PBRM1: variants seen among roughly 807,000 people sequenced by gnomAD.
PBRM1 encodes protein polybromo-1.
In PBRM1, 27 loss-of-function variants were observed where a neutral mutation model predicts 194.5. The observed-to-expected ratio is 0.14, with a 90% CI of 0.10 to 0.19. The LOEUF is 0.19. PBRM1 is among the 10% of genes least tolerant of loss of function. The probability of loss-of-function intolerance (pLI) is 1.00; values close to 1 mark genes in which losing one functional copy is unlikely to be tolerated. For synonymous variants in PBRM1, 655 were observed against 693.2 expected, an observed-to-expected ratio of 0.94 and a Z score of 0.87; for missense variants, 1,466 against 2,077.2, an observed-to-expected ratio of 0.71 and a Z score of 5.72.
chr3:52,633,098 T>C (rs977322046), intron 11 of PBRM1, among the ~76,000 whole-genome samples: 1 of 152,192 alleles, frequency 6.6e-6, no homozygotes, highest in Admixed American at 6.5e-5. Flanking sequence ...TCTTTCCATT[T>C]TGTAAGACTG....
chr3:52,660,499 ATATCTATC>A lies in PBRM1; in HGVS notation c.528+1626_528+1633del, dbSNP rs201570817. On this transcript the variant is annotated intron_variant, in intron 4 of 29. Coordinates refer to ENST00000296302, the Ensembl canonical transcript of PBRM1. ...ATATGTGTGTATATATATTTTGTGT[ATATCTATC>A]TATCTATCTATCTATATTTTTTTTA... Among the ~76,000 whole-genome samples, 6 of 151,996 alleles carry A rather than the reference ATATCTATC, an allele frequency of 3.9e-5. No homozygotes were observed. The East Asian group carries it at 5.8e-4, about 15-fold the overall frequency.
intron 3 of PBRM1, 132 bp downstream of exon 4, chr3:52,668,366 G>A (rs2153984938): frequency 6.5e-6 from 4 of 614,230 alleles, no homozygotes; most frequent in South Asian, 2.1e-5. Context: ...GTCTCTTTAC[G>A]AATAAGACAA....
At chr3:52,622,394 CAT>C (rs1324241130) in intron 13 of PBRM1, among the ~76,000 whole-genome samples, 3 of 152,044 alleles carry the variant, frequency 2.0e-5, no homozygotes, top group African/African-American at 7.2e-5. Context: ...CAATTCAGAT[CAT>C]AGATACTGTT....
At chr3:52,670,974 T>C (rs555425942) in intron 2 of PBRM1, among the ~76,000 whole-genome samples, 1 of 152,358 alleles carries the variant, frequency 6.6e-6, no homozygotes, top group South Asian at 2.1e-4. Context: ...ATCCAAGTCA[T>C]GTCCTTAACA....
chr3:52,567,339 T>A (rs558580397), intron 22 of PBRM1, among the ~76,000 whole-genome samples: 1 of 151,972 alleles, frequency 6.6e-6, no homozygotes, highest in Admixed American at 6.6e-5. Flanking sequence ...CATATCAATT[T>A]GCACGTAGGT....
intron 22 of PBRM1, among the ~76,000 whole-genome samples, chr3:52,570,882 C>A (rs2086870499): frequency 6.8e-6 from 1 of 148,008 alleles, no homozygotes; most frequent in East Asian, 2.0e-4. Flanking sequence ...CCCTACACAT[C>A]TTTGTTTCTT....
intron 22 of PBRM1, among the ~76,000 whole-genome samples, chr3:52,566,087 T>G (rs2085133768): frequency 6.6e-6 from 1 of 151,898 alleles, no homozygotes; most frequent in African/African-American, 2.4e-5. Flanking sequence ...ACACAATGCT[T>G]AACAGCATTC....
chr3:52,645,937 ACT>A (rs1237883736), intron 7 of PBRM1, among the ~76,000 whole-genome samples: 1 of 152,188 alleles, frequency 6.6e-6, no homozygotes, highest in Non-Finnish European at 1.5e-5. Flanking sequence ...CGGACAACTA[ACT>A]CTACTTGTGT....
intron 10 of PBRM1, among the ~76,000 whole-genome samples, chr3:52,639,981 C>T (rs867433153): frequency 7.2e-5 from 11 of 152,174 alleles, no homozygotes; most frequent in Admixed American, 6.5e-5. Flanking sequence ...TTCTGTTTAG[C>T]TCTTGAGAGA....
intron 22 of PBRM1, among the ~76,000 whole-genome samples, chr3:52,570,845 A>C (rs6786043): frequency 6.6e-6 from 1 of 151,246 alleles, no homozygotes; most frequent in African/African-American, 2.4e-5. Context: ...GTGTGTGCGC[A>C]CATGTGTGCA....
intron 17 of PBRM1, among the ~76,000 whole-genome samples, chr3:52,592,933 G>C (rs1210250810): frequency 1.3e-5 from 2 of 152,176 alleles, no homozygotes; most frequent in Non-Finnish European, 2.9e-5. Flanking sequence ...AGATTTTCTA[G>C]TTTGTGTGCA....
At chr3:52,640,748 C>T (rs2096048290) in intron 10 of PBRM1, among the ~76,000 whole-genome samples, 1 of 151,990 alleles carries the variant, frequency 6.6e-6, no homozygotes, top group Admixed American at 6.6e-5. Context: ...TTCAAGTGAT[C>T]TTCCTAAGCC....
chr3:52,679,747 T>C (rs549050348), upstream of PBRM1: 7 of 1,602,298 alleles, frequency 4.4e-6, no homozygotes, highest in East Asian at 6.7e-5. Context: ...TAATCAGCCA[T>C]GTTCTTACAT....
At chr3:52,642,594 A>C (rs1168648969) in intron 9 of PBRM1, among the ~76,000 whole-genome samples, 2 of 142,504 alleles carry the variant, frequency 1.4e-5, no homozygotes, top group Non-Finnish European at 1.5e-5. Context: ...GGGCAACGAG[A>C]GCAAACTTCG....
At chr3:52,588,546 TTC>T (rs1222928354) in intron 18 of PBRM1, among the ~76,000 whole-genome samples, 2 of 149,004 alleles carry the variant, frequency 1.3e-5, no homozygotes, top group Non-Finnish European at 3.0e-5. Flanking sequence ...GAAGCTGTAT[TTC>T]TTTCTTTTTT....
intron 22 of PBRM1, among the ~76,000 whole-genome samples, chr3:52,565,609 A>G (rs1234333555): frequency 6.6e-6 from 1 of 152,164 alleles, no homozygotes; most frequent in Non-Finnish European, 1.5e-5. Context: ...ATATTTGCAA[A>G]TCATATATCT....
intron 16 of PBRM1, among the ~76,000 whole-genome samples, chr3:52,604,026 G>A (rs1032527462): frequency 2.6e-5 from 4 of 152,110 alleles, no homozygotes; most frequent in African/African-American, 9.7e-5. Context: ...CGCATCAATC[G>A]ATTCTGGCAG....
chr3:52,580,163 C>T (rs369455081), intron 20 of PBRM1, among the ~76,000 whole-genome samples: 1 of 152,104 alleles, frequency 6.6e-6, no homozygotes, highest in African/African-American at 2.4e-5. Flanking sequence ...TTGCTTGGGC[C>T]TGGCAATTGG....
intron 17 of PBRM1, among the ~76,000 whole-genome samples, chr3:52,592,769 G>A (rs576988181): frequency 1.6e-4 from 24 of 152,292 alleles, no homozygotes; most frequent in African/African-American, 4.8e-4. Context: ...GAATTTGGCT[G>A]TGAATTCACC....
Sources: allele counts gnomAD v4.1 joint callset (sites outside exome capture counted in the v4.1 genomes callset), GRCh38; gene constraint gnomAD v4.1.1; transcripts MANE v1.5; gene names NCBI Gene and HGNC (gene_info 2026-07-23, HGNC 2026-07-21).